Variants in RGS6 observed in about 807,000 individuals in gnomAD.
The protein encoded by RGS6 is regulator of G-protein signaling 6.
RGS6 carries 30 observed loss-of-function variants against 78.5 expected under a neutral mutation model. That is an observed-to-expected ratio of 0.38 (90% CI 0.29 to 0.52). The LOEUF (loss-of-function observed/expected upper bound fraction) is 0.52, where lower values mean the gene tolerates loss of function less well. RGS6 is among the 20% of genes least tolerant of loss of function. RGS6 has a pLI of 0.85. For synonymous variants in RGS6, 206 were observed against 206.0 expected (o/e 1.00, Z 0.00); for missense variants, 495 against 609.7 (o/e 0.81, Z 1.98).
chr14:72,322,519 A>G (rs1315066699), intron 2 of RGS6, among the ~76,000 whole-genome samples: 1 of 152,112 alleles, frequency 6.6e-6, no homozygotes, highest in African/African-American at 2.4e-5. Flanking sequence ...ATTTAAACCA[A>G]GTGAAAGCAT....
At chr14:72,524,273 G>A (rs1472836452) in intron 15 of RGS6, among the ~76,000 whole-genome samples, 2 of 152,204 alleles carry the variant, frequency 1.3e-5, no homozygotes, top group East Asian at 1.9e-4. Flanking sequence ...TTCTCATCCT[G>A]AAGACAGTAG....
chr14:72,206,163 A>C (rs2042659582), intron 2 of RGS6, among the ~76,000 whole-genome samples: 1 of 152,304 alleles, frequency 6.6e-6, no homozygotes, highest in Non-Finnish European at 1.5e-5. Context: ...AATATTGTAC[A>C]ACAGTCAAAA....
intron 1 of RGS6, among the ~76,000 whole-genome samples, chr14:71,939,847 A>G (rs1473281734): frequency 6.6e-6 from 1 of 152,190 alleles, no homozygotes; most frequent in Non-Finnish European, 1.5e-5. Context: ...TAATCTCCTC[A>G]GTCCCTCCAG....
At chr14:72,136,386 T>A (rs1035312849) in intron 2 of RGS6, among the ~76,000 whole-genome samples, 1 of 152,120 alleles carries the variant, frequency 6.6e-6, no homozygotes, top group Non-Finnish European at 1.5e-5. Flanking sequence ...TGCTGCTGAA[T>A]AAAGACATAT....
chr14:72,529,660 C>G (rs1051495346), intron 15 of RGS6, among the ~76,000 whole-genome samples: 4 of 152,204 alleles, frequency 2.6e-5, no homozygotes, highest in African/African-American at 9.7e-5. Context: ...CCCCCCCTCC[C>G]TGCAATCCCA....
intron 2 of RGS6, among the ~76,000 whole-genome samples, chr14:72,245,496 A>G (rs984641909): frequency 6.6e-6 from 1 of 152,258 alleles, no homozygotes; most frequent in African/African-American, 2.4e-5. Context: ...TTGCAGCAGG[A>G]TCACGCCCTT....
At chr14:72,548,456 G>A (rs2097445629) in intron 17 of RGS6, among the ~76,000 whole-genome samples, 1 of 152,026 alleles carries the variant, frequency 6.6e-6, no homozygotes, top group Non-Finnish European at 1.5e-5. Flanking sequence ...TTCTTGGGTT[G>A]TAATTGACGA....
chr14:72,334,764 C>T (rs1165369959), intron 2 of RGS6, among the ~76,000 whole-genome samples: 8 of 152,072 alleles, frequency 5.3e-5, no homozygotes, highest in Non-Finnish European at 1.0e-4. Flanking sequence ...CCCCCTACTC[C>T]CACTAATATT....
chr14:72,387,953 T>C (rs1468556206), intron 3 of RGS6, among the ~76,000 whole-genome samples: 1 of 152,206 alleles, frequency 6.6e-6, no homozygotes, highest in East Asian at 1.9e-4. Flanking sequence ...GCATCCAAAC[T>C]TCCTCTTCTT....
At chr14:72,612,168 A>G in the RGS6 span, among the ~76,000 whole-genome samples, 1 of 152,174 alleles carries the variant, frequency 6.6e-6, no homozygotes, top group East Asian at 1.9e-4. Context: ...ATGGCAGATG[A>G]GTGGGGGGCA....
chr14:71,906,900 G>A, the RGS6 span, among the ~76,000 whole-genome samples: 2 of 146,340 alleles, frequency 1.4e-5, no homozygotes, highest in Non-Finnish European at 3.1e-5. Context: ...AATGACTAAG[G>A]CAAGAACAGT....
intron 15 of RGS6, among the ~76,000 whole-genome samples, chr14:72,519,857 A>G (rs2097009323): frequency 6.6e-6 from 1 of 152,190 alleles, no homozygotes; most frequent in South Asian, 2.1e-4. Flanking sequence ...TATTTATGAA[A>G]CACAAGAAGA....
the RGS6 span, among the ~76,000 whole-genome samples, chr14:72,597,641 TGA>T: frequency 0.42 from 63,986 of 151,918 alleles, 14,516 homozygotes; most frequent in East Asian, 0.75. Flanking sequence ...GGTTATATAG[TGA>T]GAAGCTTTGA....
At chr14:72,260,079 A>G (rs2153882392) in intron 2 of RGS6, among the ~76,000 whole-genome samples, 1 of 152,298 alleles carries the variant, frequency 6.6e-6, no homozygotes, top group South Asian at 2.1e-4. Context: ...ATATTTACAT[A>G]GCTATATATT....
chr14:72,498,540 T>C (rs781174256), intron 13 of RGS6, among the ~76,000 whole-genome samples: 3 of 152,182 alleles, frequency 2.0e-5, no homozygotes, highest in Non-Finnish European at 4.4e-5. Flanking sequence ...CAATTGAACA[T>C]TGTTTTTTAA....
chr14:72,476,935 GT>G, intron 11 of RGS6, 95 bp downstream of exon 11: 3 of 1,144,516 alleles, frequency 2.6e-6, no homozygotes, highest in Non-Finnish European at 3.8e-6. Flanking sequence ...CAAGCTTTGA[GT>G]TCCTGGAAAC....
chr14:72,486,101 TC>T (rs11314524), intron 12 of RGS6, among the ~76,000 whole-genome samples: 101,620 of 151,952 alleles, frequency 0.67, 34,900 homozygotes, highest in East Asian at 0.96. Context: ...ATAAAGGGCT[TC>T]CCCCCTTCAT....
chr14:72,476,686 A>G, intron 10 of RGS6, 56 bp from the exon 11 acceptor site: 2 of 1,475,956 alleles, frequency 1.4e-6, no homozygotes, highest in Non-Finnish European at 1.9e-6. Context: ...GCTGACCCCT[A>G]AGCCACCCTC....
chr14:72,039,390 C>T (rs1047928285), intron 2 of RGS6, among the ~76,000 whole-genome samples: 1 of 152,090 alleles, frequency 6.6e-6, no homozygotes, highest in Non-Finnish European at 1.5e-5. Flanking sequence ...TAGGGCCTCA[C>T]GTTTATACTT....
Sources: gnomAD v4.1 joint callset for allele counts (sites outside exome capture counted in the v4.1 genomes callset) on GRCh38, gnomAD v4.1.1 for gene constraint, MANE v1.5 for transcripts, NCBI Gene and HGNC (gene_info 2026-07-23, HGNC 2026-07-21) for gene names.